The following RIMKLB variants were observed in gnomAD, a reference collection of about 807,000 sequenced individuals.
RIMKLB encodes ribosomal modification protein rimK like family member B.
A neutral mutation model predicts 32.0 loss-of-function variants in RIMKLB; 7 were observed. The ratio of observed to expected loss-of-function variants is 0.22; its 90% confidence interval spans 0.12 to 0.41. The LOEUF (loss-of-function observed/expected upper bound fraction) is 0.41, where lower values mean the gene tolerates loss of function less well. Ranked by LOEUF, RIMKLB falls within the 10% of genes least tolerant of loss-of-function variation. RIMKLB has a pLI of 1.00. For synonymous variants in RIMKLB, 172 were observed against 185.1 expected (o/e 0.93, Z 0.57); for missense variants, 289 against 498.7 (o/e 0.58, Z 4.00).
chr12:8,771,112 C>T (rs1034854377), intron 5 of RIMKLB, among the ~76,000 whole-genome samples: 1 of 152,100 alleles, frequency 6.6e-6, no homozygotes, highest in African/African-American at 2.4e-5. Flanking sequence ...TGAACCTTGC[C>T]CTTTTTGATA....
At chr12:8,697,355 T>C (rs914153241), upstream of RIMKLB, 3 of 152,594 alleles carry the variant, frequency 2.0e-5, no homozygotes, top group African/African-American at 7.2e-5. Context: ...TTTGTCTCCA[T>C]ATCTTTGCCT....
intron 4 of RIMKLB, among the ~76,000 whole-genome samples, chr12:8,753,106 G>A (rs930869433): frequency 6.6e-6 from 1 of 152,158 alleles, no homozygotes; most frequent in South Asian, 2.1e-4. Context: ...CATATTTTGT[G>A]TTTCGGCAGG....
intron 2 of RIMKLB, among the ~76,000 whole-genome samples, chr12:8,726,658 C>CTT (rs576936354): frequency 8.3e-5 from 12 of 144,080 alleles, no homozygotes; most frequent in African/African-American, 2.3e-4. Flanking sequence ...CCATTTTATT[C>CTT]TTTTTTTTTT....
intron 1 of RIMKLB, among the ~76,000 whole-genome samples, chr12:8,684,777 C>A (rs749974480): frequency 1.3e-5 from 2 of 152,234 alleles, no homozygotes; most frequent in South Asian, 2.1e-4. Context: ...CATGCCACCA[C>A]GCCCAGCTAG....
chr12:8,712,219 C>G (rs1944434421), intron 1 of RIMKLB, among the ~76,000 whole-genome samples: 1 of 152,056 alleles, frequency 6.6e-6, no homozygotes, highest in Non-Finnish European at 1.5e-5. Flanking sequence ...GTTGCCCAGG[C>G]TGGAGTGCAA....
At position 8,774,061 on chromosome 12, in the gene RIMKLB, T is replaced by G. The variant is rs1950589457; in HGVS notation, c.*277T>G. 9 of 1,183,270 alleles carry G rather than the reference T, an allele frequency of 7.6e-6. No homozygotes were observed. The South Asian group carries it at 3.2e-4, about 41-fold the overall frequency. The allele number at this position is 1,183,270 out of a possible 1,614,324, so 73.3% of individuals were successfully genotyped here. On this transcript the variant is annotated 3_prime_UTR_variant, in exon 6 of 6. Transcript: ENST00000535829. Reference sequence around the variant, plus strand: ...TTAAATTGCTAAAAAATGTGTATGCTCATAGGCCATGAGGAACAAATACTT... The same window carrying G: ...TTAAATTGCTAAAAAATGTGTATGCGCATAGGCCATGAGGAACAAATACTT...
chr12:8,681,142 G>A (rs972056525), upstream of RIMKLB, among the ~76,000 whole-genome samples: 4 of 151,874 alleles, frequency 2.6e-5, no homozygotes, highest in Admixed American at 2.6e-4. Flanking sequence ...TGTAGAGATG[G>A]GGTTTCACCA....
upstream of RIMKLB, among the ~76,000 whole-genome samples, chr12:8,696,368 A>G (rs1942889623): frequency 6.6e-6 from 1 of 152,226 alleles, no homozygotes; most frequent in South Asian, 2.1e-4. Flanking sequence ...TTTGTTCTCA[A>G]GATAGTGTAT....
At chr12:8,758,690 C>T (rs182874599) in intron 5 of RIMKLB, among the ~76,000 whole-genome samples, 1 of 152,272 alleles carries the variant, frequency 6.6e-6, no homozygotes, top group East Asian at 1.9e-4. Flanking sequence ...CTTTAATCTA[C>T]CTGAAATTGA....
In RIMKLB at chr12:8,741,220, A is replaced by T. The variant is rs187543805; in HGVS notation, c.176-8642A>T. 2.6e-3 allele frequency among the ~76,000 whole-genome samples: 394 copies of T among 150,520 alleles called. 1 individual carries two copies. The highest frequency in any genetic ancestry group is 3.5e-3 in the Non-Finnish European group (236 of 67,666). The stretch of plus-strand genomic sequence containing the variant: ...GACTCTGTCAAAAAAGATTTTTTAA[A>T]TAAAAAAATTAGCTAGGTGTGGTGG... On this transcript the variant is annotated intron_variant, in intron 2 of 5. Coordinates refer to ENST00000535829, the MANE Select transcript of RIMKLB (RefSeq NM_001297776.2).
At chr12:8,686,372 T>G (rs1942572695) in intron 1 of RIMKLB, among the ~76,000 whole-genome samples, 1 of 151,834 alleles carries the variant, frequency 6.6e-6, no homozygotes, top group Non-Finnish European at 1.5e-5. Flanking sequence ...TCTGCAACCT[T>G]CGCCTTCCAG....
intron 1 of RIMKLB, among the ~76,000 whole-genome samples, chr12:8,692,003 G>GT (rs148856997): frequency 0.23 from 33,766 of 149,508 alleles, 3,988 homozygotes; most frequent in Non-Finnish European, 0.26. Flanking sequence ...CCAAGAGAGG[G>GT]TTTTTTTTTT....
At chr12:8,754,943 C>A (rs999150078) in intron 5 of RIMKLB, among the ~76,000 whole-genome samples, 6 of 152,012 alleles carry the variant, frequency 3.9e-5, no homozygotes, top group Non-Finnish European at 4.4e-5. Context: ...GCACATGCCA[C>A]CATGCCCGTC....
At chr12:8,714,256 C>CA (rs1944617719) in intron 2 of RIMKLB, 6 of 450,098 alleles carry the variant, frequency 1.3e-5, no homozygotes, top group East Asian at 1.2e-4. Context: ...AGGTGACCTT[C>CA]AAAACAGATA....
chr12:8,697,184 C>T (rs1450457248), upstream of RIMKLB: 1 of 152,288 alleles, frequency 6.6e-6, no homozygotes, highest in Non-Finnish European at 1.5e-5. Flanking sequence ...AAGGTTTACG[C>T]CGGTTTCTAG....
chr12:8,703,247 G>A (rs1279539887), intron 1 of RIMKLB, among the ~76,000 whole-genome samples: 1 of 151,938 alleles, frequency 6.6e-6, no homozygotes, highest in African/African-American at 2.4e-5. Flanking sequence ...TCGCACCACT[G>A]CACTCCAGCC....
the RIMKLB span, among the ~76,000 whole-genome samples, chr12:8,672,487 ACTT>A: frequency 6.6e-6 from 1 of 152,174 alleles, no homozygotes; most frequent in Non-Finnish European, 1.5e-5. Flanking sequence ...GGAGAAAGGC[ACTT>A]CTTACATGGC....
chr12:8,751,773 T>C (rs1948638625), intron 3 of RIMKLB, among the ~76,000 whole-genome samples, 184 bp from the exon 4 acceptor site: 1 of 152,222 alleles, frequency 6.6e-6, no homozygotes, highest in African/African-American at 2.4e-5. Context: ...GGAGCTATTA[T>C]TTGTTTTAAA....
rs1445737752 is a variant in RIMKLB at position 8,715,228 on chromosome 12, C to CCTTTTTTTTTT, written c.175+1187_175+1188insCTTTTTTTTTT. Among the ~76,000 whole-genome samples, 1,003 of 123,298 alleles carry CCTTTTTTTTTT rather than the reference C, an allele frequency of 8.1e-3. 21 individuals are homozygous for CCTTTTTTTTTT. Among genetic ancestry groups the CCTTTTTTTTTT allele is most frequent in the African/African-American group, 0.031 (933 of 29,920 alleles). The allele number at this position is 123,298 out of a possible 152,430, so 80.9% of individuals were successfully genotyped here. On this transcript the variant is annotated intron_variant, in intron 2 of 5. Transcript: ENST00000535829. ...GCTTAAATGGATAAGTGCTCTTGTTCTTTTTTTTTTTTTTTTTTGGAGACA... is the reference window on the plus strand; with the variant it reads ...GCTTAAATGGATAAGTGCTCTTGTTCCTTTTTTTTTTTTTTTTTTTTTTTTTTTTGGAGACA...
Sources: allele counts gnomAD v4.1 joint callset (sites outside exome capture counted in the v4.1 genomes callset), GRCh38; gene constraint gnomAD v4.1.1; transcripts MANE v1.5; gene names NCBI Gene and HGNC (gene_info 2026-07-23, HGNC 2026-07-21).